Variants in COL13A1 observed in about 807,000 individuals in gnomAD.
COL13A1 encodes collagen alpha-1(XIII) chain.
A neutral mutation model predicts 130.9 loss-of-function variants in COL13A1; 89 were observed. That is an observed-to-expected ratio of 0.68 (90% CI 0.57 to 0.81). COL13A1 has a LOEUF of 0.81. COL13A1 is among the 30% of genes least tolerant of loss of function. The pLI is 0.00. For missense variants in COL13A1, 879 were observed against 934.6 expected, an observed-to-expected ratio of 0.94 and a Z score of 0.78; for synonymous variants, 402 against 341.6, an observed-to-expected ratio of 1.18 and a Z score of -1.95.
chr10:69,924,243 G>A (rs1008218140), intron 24 of COL13A1, among the ~76,000 whole-genome samples: 14 of 152,238 alleles, frequency 9.2e-5, no homozygotes, highest in Admixed American at 2.0e-4. Flanking sequence ...TCCACGTCCC[G>A]TGAGCAGGTT....
In COL13A1 at chr10:69,959,121, A is replaced by T. The variant is rs2071351513; in HGVS notation, c.*420A>T. On this transcript the variant is annotated 3_prime_UTR_variant, in exon 41 of 41. Transcript: ENST00000645393. ...TTTTAAACCCTTATGGATTTTCATT[A>T]TTAAAGGAAATGAAACATGGCAATT... 1 of 159,914 alleles carries T rather than the reference A, an allele frequency of 6.3e-6. No individual in the cohort carries two copies. Among genetic ancestry groups the T allele is most frequent in the South Asian group, 1.9e-4 (1 of 5,356 alleles). 9.9% of individuals were successfully genotyped at this position (159,914 alleles called of 1,614,324 possible).
chr10:69,844,687 T>C (rs1023437844), intron 2 of COL13A1, among the ~76,000 whole-genome samples: 3 of 152,208 alleles, frequency 2.0e-5, no homozygotes, highest in Non-Finnish European at 2.9e-5. Context: ...AGAAGGGAAG[T>C]GTTGGCTGAA....
intron 7 of COL13A1, among the ~76,000 whole-genome samples, chr10:69,881,506 G>A (rs2060134543): frequency 6.6e-6 from 1 of 152,212 alleles, no homozygotes; most frequent in African/African-American, 2.4e-5. Flanking sequence ...TTACATCCAA[G>A]GGAGGGGGCC....
At chr10:69,867,882 C>T (rs1286431438) in intron 3 of COL13A1, 77 bp downstream of exon 3, 2 of 714,976 alleles carry the variant, frequency 2.8e-6, no homozygotes, top group East Asian at 2.7e-5. Flanking sequence ...TGGGTGGGGG[C>T]ACTGAAAGCT....
Position 69,802,391 on chromosome 10 carries a change from T to A in COL13A1, c.-33T>A. 7.0e-7 allele frequency: 1 copy of A among 1,432,428 alleles called. No homozygotes were observed. The highest frequency in any genetic ancestry group is 9.1e-7 in the Non-Finnish European group (1 of 1,099,620). The allele number at this position is 1,432,428 out of a possible 1,614,324, so 88.7% of individuals were successfully genotyped here. A position where few individuals can be genotyped will look rare whatever the true frequency, so the allele number is the denominator to read the frequency against. On this transcript the variant is annotated 5_prime_UTR_variant, in exon 1 of 41. Transcript: ENST00000645393. ...CGGCTGTCGCCTTTATTTATTCTAT[T>A]TATTTATTTATTGGTTCTCAAGACG...
At chr10:69,844,104 G>A (rs182535755) in intron 2 of COL13A1, among the ~76,000 whole-genome samples, 60 of 152,302 alleles carry the variant, frequency 3.9e-4, no homozygotes, top group African/African-American at 1.3e-3. Flanking sequence ...CGGAAGAGGC[G>A]GCATTTGCTC....
intron 4 of COL13A1, among the ~76,000 whole-genome samples, chr10:69,874,438 A>G (rs2059383551): frequency 6.6e-6 from 1 of 152,234 alleles, no homozygotes; most frequent in Non-Finnish European, 1.5e-5. Flanking sequence ...ATTTTCTACC[A>G]AAAGGGGGAG....
chr10:69,866,059 G>T (rs1369123839), intron 2 of COL13A1, among the ~76,000 whole-genome samples: 2 of 152,202 alleles, frequency 1.3e-5, no homozygotes, highest in East Asian at 1.9e-4. Flanking sequence ...GACAATGGTG[G>T]TGGCAGTGGT....
Position 69,802,061 on chromosome 10 carries a change from A to C in COL13A1, c.-363A>C. ...ACTGAAACTGACTGGCCCGGGAGACACGAGGCGCCCAGAAGGACTGACAGC... is the reference window on the plus strand; with the variant it reads ...ACTGAAACTGACTGGCCCGGGAGACCCGAGGCGCCCAGAAGGACTGACAGC... On this transcript the variant is annotated 5_prime_UTR_variant, in exon 1 of 41. Coordinates refer to ENST00000645393, the MANE Select transcript of COL13A1 (RefSeq NM_001368882.1). 3 of 191,364 alleles carry C rather than the reference A, an allele frequency of 1.6e-5. No individual in the cohort carries two copies. Among genetic ancestry groups the C allele is most frequent in the Non-Finnish European group, 3.2e-5 (3 of 94,704 alleles). The allele number at this position is 191,364 out of a possible 1,614,324, so 11.9% of individuals were successfully genotyped here.
rs1026142845 is a variant in COL13A1 at position 69,802,331 on chromosome 10, C to T, written c.-93C>T. The stretch of plus-strand genomic sequence containing the variant: ...TTTTCCAGCGATACAAGCCCTTTCC[C>T]CCTGCCCCGCAGTTTGGATAGAGCC... On this transcript the variant is annotated 5_prime_UTR_variant, in exon 1 of 41. Coordinates refer to ENST00000645393, the MANE Select transcript of COL13A1 (RefSeq NM_001368882.1). 3.8e-6 allele frequency: 5 copies of T among 1,313,180 alleles called. No homozygotes were observed. The African/African-American group carries it at 7.8e-5, about 21-fold the overall frequency. The allele number at this position is 1,313,180 out of a possible 1,614,324, so 81.3% of individuals were successfully genotyped here. A position where few individuals can be genotyped will look rare whatever the true frequency, so the allele number is the denominator to read the frequency against.
chr10:69,834,862 G>A lies in COL13A1; in HGVS notation c.364+12424G>A, dbSNP rs149148581. On this transcript the variant is annotated intron_variant, in intron 2 of 40. Coordinates refer to ENST00000645393, the MANE Select transcript of COL13A1 (RefSeq NM_001368882.1). The stretch of plus-strand genomic sequence containing the variant: ...AGTTCGTCCAGAGGGAGAGGGGCTA[G>A]AAGCCCATTCTGAGCTTGTGGACTT... 1.6e-3 allele frequency among the ~76,000 whole-genome samples: 246 copies of A among 152,332 alleles called. 4 individuals are homozygous for A. The highest frequency in any genetic ancestry group is 5.7e-3 in the African/African-American group (237 of 41,574).
intron 38 of COL13A1, among the ~76,000 whole-genome samples, chr10:69,949,342 C>A (rs528788075): frequency 2.6e-5 from 4 of 152,278 alleles, no homozygotes; most frequent in African/African-American, 9.6e-5. Flanking sequence ...GCCACCACGC[C>A]CGGCTAATTT....
intron 2 of COL13A1, among the ~76,000 whole-genome samples, chr10:69,851,061 G>A (rs982340571): frequency 3.3e-5 from 5 of 152,212 alleles, no homozygotes; most frequent in African/African-American, 1.2e-4. Context: ...ATGGGCCAGG[G>A]GTCCTGAGAG....
chr10:69,932,703 G>A (rs1278068499), intron 31 of COL13A1, 99 bp downstream of exon 31: 4 of 782,162 alleles, frequency 5.1e-6, no homozygotes, highest in Non-Finnish European at 8.8e-6. Flanking sequence ...ACTGCCTGAT[G>A]TTTACGTTTA....
chr10:69,884,161 G>C (rs2060396292), intron 7 of COL13A1, among the ~76,000 whole-genome samples: 1 of 152,220 alleles, frequency 6.6e-6, no homozygotes, highest in Non-Finnish European at 1.5e-5. Flanking sequence ...GTCATCTGCT[G>C]CTGGAAGTCA....
intron 1 of COL13A1, among the ~76,000 whole-genome samples, chr10:69,813,989 G>A (rs115422742): frequency 0.012 from 1,879 of 152,314 alleles, 24 homozygotes; most frequent in African/African-American, 0.042. Context: ...TGACCTAAAA[G>A]TAAGTAATTC....
At chr10:69,945,514 G>A (rs1397048971) in intron 36 of COL13A1, among the ~76,000 whole-genome samples, 157 bp from the exon 37 acceptor site, 5 of 152,298 alleles carry the variant, frequency 3.3e-5, no homozygotes, top group African/African-American at 9.6e-5. Context: ...GGCAGTGTTC[G>A]CATCAGCAGC....
At chr10:69,889,166 C>G (rs560249935) in intron 9 of COL13A1, among the ~76,000 whole-genome samples, 1 of 152,344 alleles carries the variant, frequency 6.6e-6, no homozygotes, top group African/African-American at 2.4e-5. Context: ...GAGACTACCC[C>G]CACCCCTGCT....
chr10:69,948,094 A>T (rs1459497006), intron 38 of COL13A1, among the ~76,000 whole-genome samples: 4 of 152,180 alleles, frequency 2.6e-5, no homozygotes, highest in Non-Finnish European at 4.4e-5. Context: ...AGTGGGGGGC[A>T]CACCCCCTAG....
Sources: allele counts gnomAD v4.1 joint callset (sites outside exome capture counted in the v4.1 genomes callset), GRCh38; gene constraint gnomAD v4.1.1; transcripts MANE v1.5; gene names NCBI Gene and HGNC (gene_info 2026-07-23, HGNC 2026-07-21).